Variants in ADAMTSL3 observed in about 807,000 individuals in gnomAD.
ADAMTSL3 encodes the protein ADAMTS-like protein 3.
In ADAMTSL3, 128 loss-of-function variants were observed where a neutral mutation model predicts 201.7. The observed-to-expected ratio is 0.63, with a 90% CI of 0.55 to 0.73. The LOEUF (loss-of-function observed/expected upper bound fraction) is 0.73. Among genes scored for constraint, ADAMTSL3 ranks in the 30% least tolerant of loss-of-function variants. The pLI is 0.00. For synonymous variants in ADAMTSL3, 738 were observed against 748.4 expected (o/e 0.99, Z 0.23); for missense variants, 1,990 against 2,119.6 (o/e 0.94, Z 1.20).
chr15:83,820,356 G>T (rs2063842388), intron 6 of ADAMTSL3, among the ~76,000 whole-genome samples: 1 of 152,160 alleles, frequency 6.6e-6, no homozygotes, highest in Admixed American at 6.5e-5. Flanking sequence ...GGGATTACAG[G>T]CATGAGCCAC....
intron 15 of ADAMTSL3, among the ~76,000 whole-genome samples, chr15:83,910,678 A>G (rs1168452839): frequency 2.1e-5 from 3 of 144,936 alleles, no homozygotes; most frequent in Admixed American, 1.4e-4. Context: ...TCTGTTACCC[A>G]GGCTGGAGTG....
intron 15 of ADAMTSL3, 111 bp from the exon 16 acceptor site, chr15:83,912,981 C>A: frequency 8.7e-7 from 1 of 1,154,054 alleles, no homozygotes; most frequent in Non-Finnish European, 1.2e-6. Flanking sequence ...TGGAATTCCA[C>A]CGAGTGAAGC....
chr15:83,917,314 C>G (rs2066051262), intron 16 of ADAMTSL3, among the ~76,000 whole-genome samples: 1 of 152,130 alleles, frequency 6.6e-6, no homozygotes, highest in African/African-American at 2.4e-5. Flanking sequence ...TGCTTAAGAT[C>G]CTTGCATAGG....
chr15:83,730,914 A>C (rs1017128316), intron 3 of ADAMTSL3, among the ~76,000 whole-genome samples: 3 of 152,066 alleles, frequency 2.0e-5, no homozygotes, highest in Non-Finnish European at 4.4e-5. Flanking sequence ...TAGGTCTTAC[A>C]TTTAAGTCTT....
intron 20 of ADAMTSL3, among the ~76,000 whole-genome samples, chr15:83,975,213 A>G (rs1473366990): frequency 1.3e-5 from 2 of 151,902 alleles, no homozygotes; most frequent in Non-Finnish European, 2.9e-5. Flanking sequence ...CATGTTAGCC[A>G]GGATGGTCTT....
chr15:83,879,230 C>T (rs1567209159), intron 9 of ADAMTSL3, among the ~76,000 whole-genome samples: 1 of 152,076 alleles, frequency 6.6e-6, no homozygotes, highest in African/African-American at 2.4e-5. Flanking sequence ...CTGTTTTACT[C>T]TAGTTTTCTT....
chr15:83,759,703 A>G (rs557182448), intron 3 of ADAMTSL3, among the ~76,000 whole-genome samples: 1 of 152,194 alleles, frequency 6.6e-6, no homozygotes, highest in Non-Finnish European at 1.5e-5. Context: ...GATGGGATTT[A>G]GGGTGAATCT....
At chr15:83,727,752 A>C (rs115352743) in intron 3 of ADAMTSL3, among the ~76,000 whole-genome samples, 2,411 of 151,520 alleles carry the variant, frequency 0.016, 60 homozygotes, top group African/African-American at 0.055. Flanking sequence ...TTCAATTTAA[A>C]TTTTTTTTTA....
In ADAMTSL3 at chr15:83,800,382, T is replaced by C. The variant is rs979337422; in HGVS notation, c.318-4268T>C. On this transcript the variant is annotated intron_variant, in intron 4 of 29. Coordinates refer to ENST00000286744, the MANE Select transcript of ADAMTSL3 (RefSeq NM_207517.3). The stretch of plus-strand genomic sequence containing the variant: ...ATATTTTCAGGCTCAACACTCAAGA[T>C]GCAAATCAGTGACTCCTGGAAACTC... 6.6e-5 allele frequency among the ~76,000 whole-genome samples: 10 copies of C among 152,116 alleles called. 1 individual carries two copies. The highest frequency in any genetic ancestry group is 1.9e-4 in the African/African-American group (8 of 41,430).
At chr15:83,713,207 A>G (rs557067324) in intron 3 of ADAMTSL3, among the ~76,000 whole-genome samples, 13 of 152,308 alleles carry the variant, frequency 8.5e-5, no homozygotes, top group African/African-American at 3.1e-4. Context: ...CTGCTAAAGA[A>G]GATCGATCAG....
intron 28 of ADAMTSL3, among the ~76,000 whole-genome samples, chr15:84,032,488 C>T (rs1596558717): frequency 6.6e-6 from 1 of 152,222 alleles, no homozygotes; most frequent in African/African-American, 2.4e-5. Context: ...TTCCTATTTT[C>T]CTGAGAAGAT....
intron 23 of ADAMTSL3, among the ~76,000 whole-genome samples, chr15:83,997,569 A>C (rs1160433429): frequency 6.6e-6 from 1 of 152,224 alleles, no homozygotes; most frequent in Non-Finnish European, 1.5e-5. Flanking sequence ...AGCCCGGGCA[A>C]CAAGAATAAG....
chr15:83,759,212 T>C (rs573305559), intron 3 of ADAMTSL3, among the ~76,000 whole-genome samples: 1 of 151,890 alleles, frequency 6.6e-6, no homozygotes, highest in African/African-American at 2.4e-5. Flanking sequence ...GTTAATACTT[T>C]ATCATTTTTG....
intron 28 of ADAMTSL3, among the ~76,000 whole-genome samples, chr15:84,034,786 A>C (rs1596561706): frequency 6.6e-6 from 1 of 152,280 alleles, no homozygotes; most frequent in East Asian, 1.9e-4. Flanking sequence ...GCTGATGGTG[A>C]AAGGAGTTAC....
chr15:84,003,934 G>A (rs1184598169), intron 23 of ADAMTSL3, among the ~76,000 whole-genome samples: 1 of 152,146 alleles, frequency 6.6e-6, no homozygotes, highest in Non-Finnish European at 1.5e-5. Context: ...TGGGGACTGA[G>A]GGAAAGGGAA....
chr15:83,686,175 T>C (rs1396988527), intron 2 of ADAMTSL3, among the ~76,000 whole-genome samples: 1 of 152,230 alleles, frequency 6.6e-6, no homozygotes, highest in Non-Finnish European at 1.5e-5. Flanking sequence ...TCATCAAAAC[T>C]GAGCTGTTTT....
At chr15:83,947,890 G>C (rs1875760909) in intron 19 of ADAMTSL3, among the ~76,000 whole-genome samples, 2 of 152,014 alleles carry the variant, frequency 1.3e-5, no homozygotes, top group African/African-American at 4.8e-5. Flanking sequence ...TCCTCATCGT[G>C]GGAAAGCAAA....
Position 83,983,387 on chromosome 15 carries a change from C to T in ADAMTSL3, c.3716+43C>T, listed in dbSNP as rs199889684. On this transcript the variant is annotated intron_variant, in intron 21 of 29. Transcript: ENST00000286744. ...GCAGTATTCATTTTTGCACTACCTT[C>T]TTAATGGCTATTCCAGTTTTCTTGA... is the stretch of plus-strand genomic sequence containing the variant. 10 of 1,270,828 alleles carry T rather than the reference C, an allele frequency of 7.9e-6. No homozygotes were observed. In the East Asian group the frequency reaches 2.5e-4, roughly 32 times the overall value. 78.7% of individuals were successfully genotyped at this position (1,270,828 alleles called of 1,614,324 possible).
In ADAMTSL3 at chr15:83,918,489, G is replaced by A. The variant is rs557242220; in HGVS notation, c.1987+5111G>A. Among the ~76,000 whole-genome samples the A allele has an allele frequency of 7.9e-5, 12 of 152,314 alleles. No individual in the cohort carries two copies. The South Asian group carries it at 2.5e-3, about 32-fold the overall frequency. Reference sequence around the variant, plus strand: ...TTACACTTGAATTTAAATCTAAAAGGTGAGGCATTAGCTAAACAAAAGGGG... The same window carrying A: ...TTACACTTGAATTTAAATCTAAAAGATGAGGCATTAGCTAAACAAAAGGGG... On this transcript the variant is annotated intron_variant, in intron 16 of 29. Coordinates refer to ENST00000286744, the MANE Select transcript of ADAMTSL3 (RefSeq NM_207517.3).
Sources: allele counts gnomAD v4.1 joint callset (sites outside exome capture counted in the v4.1 genomes callset), GRCh38; gene constraint gnomAD v4.1.1; transcripts MANE v1.5; gene names NCBI Gene and HGNC (gene_info 2026-07-23, HGNC 2026-07-21).